Variants in PPARG observed in about 807,000 individuals in gnomAD.
The protein encoded by PPARG is peroxisome proliferator-activated receptor gamma.
A neutral mutation model predicts 39.2 loss-of-function variants in PPARG; 17 were observed. The observed-to-expected ratio is 0.43, with a 90% CI of 0.30 to 0.65. The LOEUF (loss-of-function observed/expected upper bound fraction) is 0.65. Ranked by LOEUF, PPARG falls within the 30% of genes least tolerant of loss-of-function variation. The probability of loss-of-function intolerance (pLI) is 0.13; values close to 1 mark genes in which losing one functional copy is unlikely to be tolerated. For missense variants in PPARG, 406 were observed against 585.9 expected, an observed-to-expected ratio of 0.69 and a Z score of 3.17; for synonymous variants, 223 against 215.7, an observed-to-expected ratio of 1.03 and a Z score of -0.30.
intron 1 of PPARG, among the ~76,000 whole-genome samples, chr3:12,310,458 CTTTTTTTTT>C (rs1204347882): frequency 1.4e-5 from 1 of 69,912 alleles, no homozygotes; most frequent in Admixed American, 2.0e-4. Flanking sequence ...TATTTGAGCC[CTTTTTTTTT>C]TTTTTTTTTT....
chr3:12,395,233 G>C (rs760324579), intron 5 of PPARG, among the ~76,000 whole-genome samples: 1 of 152,152 alleles, frequency 6.6e-6, no homozygotes, highest in Non-Finnish European at 1.5e-5. Context: ...CAGCTATTCC[G>C]TGTCTTACAG....
chr3:12,422,486 T>C (rs899155622), intron 7 of PPARG, among the ~76,000 whole-genome samples: 1 of 152,242 alleles, frequency 6.6e-6, no homozygotes, highest in Admixed American at 6.5e-5. Flanking sequence ...TTTTTGCGTA[T>C]TGAGATGTGG....
intron 4 of PPARG, among the ~76,000 whole-genome samples, chr3:12,388,757 G>T (rs2049968438): frequency 6.6e-6 from 1 of 152,034 alleles, no homozygotes; most frequent in Admixed American, 6.6e-5. Context: ...ATATAAAAAA[G>T]CTATTATGAA....
intron 1 of PPARG, among the ~76,000 whole-genome samples, chr3:12,295,514 ATT>A (rs5741526): frequency 0.27 from 38,311 of 141,776 alleles, 5,128 homozygotes; most frequent in East Asian, 0.49. Flanking sequence ...TCAAAAAAAA[ATT>A]TTTTTTTTTT....
At chr3:12,405,629 G>T (rs954231568) in intron 5 of PPARG, among the ~76,000 whole-genome samples, 1 of 152,138 alleles carries the variant, frequency 6.6e-6, no homozygotes, top group African/African-American at 2.4e-5. Context: ...TGCTAAACTC[G>T]AATTCTTTCA....
chr3:12,416,595 T>C, intron 6 of PPARG, 109 bp from the exon 7 acceptor site: 1 of 1,056,364 alleles, frequency 9.5e-7, no homozygotes, highest in East Asian at 2.6e-5. Context: ...GCTTTAAAGA[T>C]TTTAGTTAGC....
At chr3:12,386,653 A>C (rs1271740741) in intron 4 of PPARG, among the ~76,000 whole-genome samples, 2 of 152,172 alleles carry the variant, frequency 1.3e-5, no homozygotes, top group Non-Finnish European at 2.9e-5. Context: ...AAGAATCCTG[A>C]GATAAGATTC....
chr3:12,370,711 T>C (rs1379905351), intron 2 of PPARG, among the ~76,000 whole-genome samples: 1 of 152,234 alleles, frequency 6.6e-6, no homozygotes, highest in Non-Finnish European at 1.5e-5. Flanking sequence ...GTAAACCTAT[T>C]TAACCTTGCT....
chr3:12,363,165 C>T (rs2048907457), intron 2 of PPARG, among the ~76,000 whole-genome samples: 1 of 152,136 alleles, frequency 6.6e-6, no homozygotes, highest in Admixed American at 6.6e-5. Flanking sequence ...AGTAATCCTC[C>T]CACCTTGGCC....
intron 1 of PPARG, among the ~76,000 whole-genome samples, chr3:12,308,177 C>T (rs956380172): frequency 6.6e-6 from 1 of 151,636 alleles, no homozygotes; most frequent in Non-Finnish European, 1.5e-5. Context: ...GATCTCGCCT[C>T]TACAAAAAAA....
At chr3:12,288,735 A>AGGGGCT (rs1325692200), upstream of PPARG, 2 of 151,824 alleles carry the variant, frequency 1.3e-5, no homozygotes, top group Non-Finnish European at 2.9e-5. Flanking sequence ...CGCCCGGCGG[A>AGGGGCT]GGGGCTGGGG....
chr3:12,334,286 A>C (rs963694242), intron 2 of PPARG, among the ~76,000 whole-genome samples: 5 of 148,486 alleles, frequency 3.4e-5, no homozygotes, highest in Non-Finnish European at 5.9e-5. Flanking sequence ...GCTGGAGTGC[A>C]GTGGTACGAT....
At chr3:12,317,020 A>G (rs1052149709) in intron 2 of PPARG, among the ~76,000 whole-genome samples, 1 of 152,252 alleles carries the variant, frequency 6.6e-6, no homozygotes, top group South Asian at 2.1e-4. Flanking sequence ...GAATTCAATT[A>G]TAGATGTACT....
intron 5 of PPARG, among the ~76,000 whole-genome samples, chr3:12,394,453 T>C (rs1481027731): frequency 6.6e-6 from 1 of 152,184 alleles, no homozygotes; most frequent in Non-Finnish European, 1.5e-5. Context: ...ATGGTATAAT[T>C]TTCTCCTCCC....
chr3:12,333,164 C>T (rs1160930610), intron 2 of PPARG, among the ~76,000 whole-genome samples: 1 of 152,092 alleles, frequency 6.6e-6, no homozygotes, highest in Non-Finnish European at 1.5e-5. Context: ...AACAAACAAA[C>T]AAAAACACCC....
intron 7 of PPARG, among the ~76,000 whole-genome samples, chr3:12,421,685 A>G (rs994696563): frequency 1.3e-5 from 2 of 152,232 alleles, no homozygotes; most frequent in African/African-American, 4.8e-5. Flanking sequence ...GGATTTTACA[A>G]TATATTTTTC....
At chr3:12,385,093 A>G (rs1271201173) in intron 4 of PPARG, among the ~76,000 whole-genome samples, 1 of 152,208 alleles carries the variant, frequency 6.6e-6, no homozygotes, top group Admixed American at 6.6e-5. Context: ...TCCTTAGCTT[A>G]TAACCAATAC....
intron 2 of PPARG, among the ~76,000 whole-genome samples, chr3:12,327,531 A>G (rs1328470069): frequency 6.6e-6 from 1 of 152,176 alleles, no homozygotes; most frequent in Non-Finnish European, 1.5e-5. Context: ...GGTTTTTTGA[A>G]GAGAATGAGA....
At chr3:12,373,290 G>A (rs1347888100) in intron 2 of PPARG, among the ~76,000 whole-genome samples, 1 of 152,122 alleles carries the variant, frequency 6.6e-6, no homozygotes, top group East Asian at 1.9e-4. Flanking sequence ...TAAAAGGGAA[G>A]GGAGAAGGGC....
Sources: gnomAD v4.1 joint callset for allele counts (sites outside exome capture counted in the v4.1 genomes callset) on GRCh38, gnomAD v4.1.1 for gene constraint, MANE v1.5 for transcripts, NCBI Gene and HGNC (gene_info 2026-07-23, HGNC 2026-07-21) for gene names.